WSCD2: variants seen among roughly 807,000 people sequenced by gnomAD.
The protein encoded by WSCD2 is sialate:O-sulfotransferase 2.
WSCD2 carries 28 observed loss-of-function variants against 55.7 expected under a neutral mutation model. The observed-to-expected ratio is 0.50, with a 90% CI of 0.37 to 0.69. The LOEUF (loss-of-function observed/expected upper bound fraction) is 0.69, where lower values mean the gene tolerates loss of function less well. WSCD2 is among the 30% of genes least tolerant of loss of function. The probability of loss-of-function intolerance (pLI) is 0.00; values close to 1 mark genes in which losing one functional copy is unlikely to be tolerated. For synonymous variants in WSCD2, 301 were observed against 301.9 expected (o/e 1.00, Z 0.03); for missense variants, 616 against 762.1 (o/e 0.81, Z 2.26).
chr12:108,143,876 G>A (rs1877114705), intron 1 of WSCD2, among the ~76,000 whole-genome samples: 1 of 152,158 alleles, frequency 6.6e-6, no homozygotes, highest in South Asian at 2.1e-4. Flanking sequence ...CAGGGATGCA[G>A]GGGGGCGGTC....
intron 2 of WSCD2, among the ~76,000 whole-genome samples, chr12:108,202,579 A>C (rs1884835757): frequency 6.6e-6 from 1 of 152,206 alleles, no homozygotes. Context: ...GAAGGCCATT[A>C]TTCTTAGCAA....
chr12:108,237,583 T>C (rs1427004958), intron 7 of WSCD2, among the ~76,000 whole-genome samples: 1 of 152,202 alleles, frequency 6.6e-6, no homozygotes, highest in East Asian at 1.9e-4. Context: ...TAGAAGACAA[T>C]TGAGCAACTA....
intron 2 of WSCD2, chr12:108,197,245 C>T (rs1884040429): frequency 6.6e-6 from 1 of 152,214 alleles, no homozygotes; most frequent in South Asian, 2.1e-4. Flanking sequence ...CTTCTGCTAC[C>T]ATGGAAGGAA....
chr12:108,218,826 T>TG (rs1887144587), intron 4 of WSCD2, among the ~76,000 whole-genome samples: 1 of 152,310 alleles, frequency 6.6e-6, no homozygotes, highest in Non-Finnish European at 1.5e-5. Flanking sequence ...GCAGTGTCCC[T>TG]GGCTGTGGGC....
intron 1 of WSCD2, among the ~76,000 whole-genome samples, chr12:108,181,758 C>A (rs1423975482): frequency 1.3e-5 from 2 of 152,222 alleles, no homozygotes; most frequent in East Asian, 3.8e-4. Context: ...TGGAGGAGGA[C>A]TCCTACACAT....
At chr12:108,192,437 G>A (rs1440219212) in intron 1 of WSCD2, among the ~76,000 whole-genome samples, 2 of 152,178 alleles carry the variant, frequency 1.3e-5, no homozygotes, top group Non-Finnish European at 2.9e-5. Flanking sequence ...CTCTGGAAGG[G>A]CTGGTGTCCC....
At chr12:108,148,985 C>T (rs983268693) in intron 1 of WSCD2, among the ~76,000 whole-genome samples, 3 of 152,174 alleles carry the variant, frequency 2.0e-5, no homozygotes, top group African/African-American at 7.2e-5. Flanking sequence ...ACACAACCCA[C>T]CTTCAGGTAA....
At chr12:108,226,333 G>C (rs149689731) in intron 5 of WSCD2, among the ~76,000 whole-genome samples, 301 of 152,170 alleles carry the variant, frequency 2.0e-3, no homozygotes, top group African/African-American at 6.8e-3. Flanking sequence ...ATCAGAAGCA[G>C]CTCTCCCAAC....
At chr12:108,214,827 G>A (rs1428553793) in intron 4 of WSCD2, among the ~76,000 whole-genome samples, 2 of 152,194 alleles carry the variant, frequency 1.3e-5, no homozygotes, top group Non-Finnish European at 2.9e-5. Context: ...TGAAAAAATA[G>A]ATACCTTGTT....
chr12:108,157,127 C>CGTTG (rs1878596744), intron 1 of WSCD2, among the ~76,000 whole-genome samples: 2 of 152,104 alleles, frequency 1.3e-5, no homozygotes, highest in Admixed American at 1.3e-4. Flanking sequence ...GTGGTTTCTT[C>CGTTG]GTTGTTTGTT....
chr12:108,210,220 C>T lies in WSCD2; in HGVS notation c.597C>T (p.Cys199=). 6.2e-7 allele frequency: 1 copy of T among 1,613,832 alleles called. No individual in the cohort carries two copies. The highest frequency in any genetic ancestry group is 8.5e-7 in the Non-Finnish European group (1 of 1,179,904). ...NVSEAECDME[C]KGERGSVCGG... ...GCGAGGCAGAGTGCGACATGGAGTG[C>T]AAGGGCGAGCGAGGCAGCGTGTGCG... Residue 199 remains cysteine (C), a synonymous_variant, in exon 4 of 9, where the codon TGC becomes TGT. Coordinates refer to ENST00000547525, the MANE Select transcript of WSCD2 (RefSeq NM_014653.4). The surrounding 1 kb of genome is among the most constrained non-coding windows in gnomAD (Gnocchi z 4.3).
chr12:108,199,795 T>G (rs1431276326), intron 2 of WSCD2, among the ~76,000 whole-genome samples: 1 of 152,150 alleles, frequency 6.6e-6, no homozygotes, highest in Non-Finnish European at 1.5e-5. Context: ...ATTACCCACC[T>G]GGGGGAGGGA....
At chr12:108,212,640 GAC>G (rs34478575) in intron 4 of WSCD2, among the ~76,000 whole-genome samples, 10 of 129,202 alleles carry the variant, frequency 7.7e-5, no homozygotes, top group Non-Finnish European at 1.3e-4. Flanking sequence ...CACACATTCA[GAC>G]ACACACACAC....
intron 1 of WSCD2, among the ~76,000 whole-genome samples, chr12:108,156,111 A>T (rs916954205): frequency 6.6e-6 from 1 of 152,258 alleles, no homozygotes; most frequent in African/African-American, 2.4e-5. Flanking sequence ...AGCAAAAAAT[A>T]TAATTTTTAT....
intron 1 of WSCD2, among the ~76,000 whole-genome samples, chr12:108,133,352 T>G (rs1247632290): frequency 5.3e-5 from 8 of 152,202 alleles, no homozygotes; most frequent in African/African-American, 1.9e-4. Context: ...TGTTGTACTG[T>G]ATCTTTTTGC....
chr12:108,226,963 C>G (rs781750948), intron 5 of WSCD2, 27 bp from the exon 6 acceptor site: 2 of 1,602,286 alleles, frequency 1.2e-6, no homozygotes, highest in Admixed American at 3.4e-5. Context: ...CAACTCTCTT[C>G]CTCTTCTTCT....
chr12:108,143,172 A>G (rs1468513269), intron 1 of WSCD2, among the ~76,000 whole-genome samples: 1 of 152,192 alleles, frequency 6.6e-6, no homozygotes, highest in Admixed American at 6.5e-5. Context: ...GCTTCATTTT[A>G]GACTAGCTAT....
At chr12:108,157,012 C>T (rs1385947739) in intron 1 of WSCD2, among the ~76,000 whole-genome samples, 2 of 152,226 alleles carry the variant, frequency 1.3e-5, no homozygotes, top group African/African-American at 4.8e-5. Flanking sequence ...TTCTCACTTC[C>T]ACTTTCCTCC....
intron 1 of WSCD2, among the ~76,000 whole-genome samples, chr12:108,178,723 A>G (rs1340461376): frequency 6.6e-6 from 1 of 152,210 alleles, no homozygotes. Flanking sequence ...GACATATTAG[A>G]TTAAAGCACA....
Sources: gnomAD v4.1 joint callset for allele counts (sites outside exome capture counted in the v4.1 genomes callset) on GRCh38, gnomAD v4.1.1 for gene constraint, Gnocchi (gnomAD v3.1) non-coding constraint, MANE v1.5 for transcripts, NCBI Gene and HGNC (gene_info 2026-07-23, HGNC 2026-07-21) for gene names.